The following RHOU variants were observed in gnomAD, a reference collection of about 807,000 sequenced individuals.
RHOU encodes ras homolog family member U, also known as rho-related GTP-binding protein RhoU.
A neutral mutation model predicts 12.6 loss-of-function variants in RHOU; 8 were observed. The observed-to-expected ratio is 0.64, with a 90% confidence interval of 0.37 to 1.15. The LOEUF (loss-of-function observed/expected upper bound fraction) is 1.15. Ranked by LOEUF, RHOU falls within the 50% of genes most tolerant of loss-of-function variation. The pLI, the probability that RHOU is intolerant of heterozygous loss-of-function variation, is 0.01. For synonymous variants in RHOU, 161 were observed against 147.4 expected, an observed-to-expected ratio of 1.09 and a Z score of -0.67; for missense variants, 258 against 347.0, an observed-to-expected ratio of 0.74 and a Z score of 2.04.
At chr1:228,658,236 G>A in the RHOU span, among the ~76,000 whole-genome samples, 4 of 148,104 alleles carry the variant, frequency 2.7e-5, no homozygotes, top group Admixed American at 1.4e-4. Context: ...GCCATGATCA[G>A]GCTACAGGCT....
chr1:228,738,711 A>G lies in RHOU; in HGVS notation c.321+980A>G, dbSNP rs1350549791. ...GCTAAGGACAGATCTTATTTTTTAA[A>G]CCTGAAGATGACATAAGACCGTGGA... is the stretch of plus-strand genomic sequence containing the variant. On this transcript the variant is annotated intron_variant, in intron 2 of 2. Transcript: ENST00000366691. This position sits in a 1 kb window ranked among gnomAD's most constrained non-coding sequence, Gnocchi z 4.2. 6.6e-6 allele frequency among the ~76,000 whole-genome samples: 1 copy of G among 152,076 alleles called. No individual in the cohort carries two copies. Among genetic ancestry groups the G allele is most frequent in the Non-Finnish European group, 1.5e-5 (1 of 68,012 alleles).
the RHOU span, among the ~76,000 whole-genome samples, chr1:228,720,539 G>A: frequency 1.3e-5 from 2 of 152,180 alleles, no homozygotes; most frequent in Admixed American, 6.5e-5. Context: ...CTCATGAGAA[G>A]AGGAAACTAG....
the RHOU span, among the ~76,000 whole-genome samples, chr1:228,654,775 A>G: frequency 6.6e-6 from 1 of 152,218 alleles, no homozygotes; most frequent in East Asian, 1.9e-4. Context: ...TTCATATTGT[A>G]CTATTGGTCT....
the RHOU span, among the ~76,000 whole-genome samples, chr1:228,669,624 A>C: frequency 1.3e-5 from 2 of 152,188 alleles, no homozygotes; most frequent in East Asian, 3.8e-4. Context: ...AAAAGGCCTT[A>C]ACTTGCTTGA....
the RHOU span, among the ~76,000 whole-genome samples, chr1:228,678,234 C>T: frequency 6.6e-6 from 1 of 152,270 alleles, no homozygotes; most frequent in African/African-American, 2.4e-5. Context: ...AGCTTGTAAC[C>T]TACATGGAAG....
Position 228,743,639 on chromosome 1 carries a change from T to G in RHOU, c.676T>G (p.Ser226Ala). The G allele has an allele frequency of 6.2e-7, 1 of 1,614,168 alleles. No homozygotes were observed. The highest frequency in any genetic ancestry group is 8.5e-7 in the Non-Finnish European group (1 of 1,180,042). Residue 226 changes from serine (S) to alanine (A), a missense_variant, in exon 3 of 3, where the codon TCG (serine) becomes GCG (alanine). Ser to Ala is a moderately conservative substitution (Grantham distance 99, BLOSUM62 1). Transcript: ENST00000366691. The surrounding 1 kb of genome is among the most constrained non-coding windows in gnomAD (Gnocchi z 5.1). ...DAAIVAGIQY[S>A]DTQQQPKKSK... is the part of the protein sequence containing the mutation. ...AGCCATCGTCGCTGGCATTCAATACTCGGACACTCAGCAACAGCCAAAGAA... is the reference window on the plus strand; with the variant it reads ...AGCCATCGTCGCTGGCATTCAATACGCGGACACTCAGCAACAGCCAAAGAA...
At chr1:228,727,055 T>C in the RHOU span, among the ~76,000 whole-genome samples, 5 of 152,190 alleles carry the variant, frequency 3.3e-5, no homozygotes, top group Admixed American at 6.5e-5. Flanking sequence ...AGGTATCTTC[T>C]TTTTTACAAG....
chr1:228,666,168 C>T, the RHOU span, among the ~76,000 whole-genome samples: 1 of 152,172 alleles, frequency 6.6e-6, no homozygotes, highest in Non-Finnish European at 1.5e-5. Flanking sequence ...CCATGTTGGC[C>T]AGTCTGGTAT....
the RHOU span, among the ~76,000 whole-genome samples, chr1:228,658,844 T>C: frequency 6.6e-6 from 1 of 152,192 alleles, no homozygotes; most frequent in South Asian, 2.1e-4. Context: ...CTGTGAATAC[T>C]GTATTTTCAA....
chr1:228,680,409 C>G, the RHOU span, among the ~76,000 whole-genome samples: 1 of 152,138 alleles, frequency 6.6e-6, no homozygotes, highest in East Asian at 1.9e-4. Flanking sequence ...GAAACAAGGT[C>G]CACGAGGATG....
At chr1:228,742,590 G>A (rs1466479811) in intron 2 of RHOU, among the ~76,000 whole-genome samples, 1 of 152,228 alleles carries the variant, frequency 6.6e-6, no homozygotes, top group Non-Finnish European at 1.5e-5. Context: ...CAGCCAGAAT[G>A]AGGATGTATT....
rs1160625407 is a variant in RHOU at position 228,745,770 on chromosome 1, G to C, written c.*2030G>C. ...CCAGGCTGGGCTCTGCCTGTCTGGT[G>C]CCTGGAGGTGTGGGAGGGAAGATGA... is the stretch of plus-strand genomic sequence containing the variant. On this transcript the variant is annotated 3_prime_UTR_variant, in exon 3 of 3. Transcript: ENST00000366691. The C allele has an allele frequency of 6.6e-6, 1 of 152,264 alleles. No homozygotes were observed. Among genetic ancestry groups the C allele is most frequent in the Non-Finnish European group, 1.5e-5 (1 of 68,048 alleles). 9.4% of individuals were successfully genotyped at this position (152,264 alleles called of 1,614,324 possible).
chr1:228,698,127 T>C, the RHOU span, among the ~76,000 whole-genome samples: 1 of 152,226 alleles, frequency 6.6e-6, no homozygotes, highest in African/African-American at 2.4e-5. Flanking sequence ...CTTTGAGGTT[T>C]TTGTCATTCT....
chr1:228,712,608 A>G, the RHOU span, among the ~76,000 whole-genome samples: 2,722 of 143,374 alleles, frequency 0.019, 89 homozygotes, highest in African/African-American at 0.067. Context: ...GGAGTTGAAC[A>G]ATGAGAACAC....
At chr1:228,684,570 C>G in the RHOU span, among the ~76,000 whole-genome samples, 1 of 152,162 alleles carries the variant, frequency 6.6e-6, no homozygotes, top group Non-Finnish European at 1.5e-5. Flanking sequence ...CTCAAGTGAT[C>G]CACGTGTCTC....
chr1:228,661,156 C>T, the RHOU span, among the ~76,000 whole-genome samples: 389 of 152,156 alleles, frequency 2.6e-3, 3 homozygotes, highest in Non-Finnish European at 4.0e-3. Context: ...TCAAGGAGAA[C>T]TACAAACTAC....
At position 228,743,124 on chromosome 1, in the gene RHOU, T is replaced by C. The variant is rs41270187; in HGVS notation, c.322-161T>C. ...CCTTCGCTGGTGCACTGGCCCCGCT[T>C]GGGTAAACAGTAGGATCGTTTCAAG... On this transcript the variant is annotated intron_variant, in intron 2 of 2. Coordinates refer to ENST00000366691, the MANE Select transcript of RHOU (RefSeq NM_021205.6). This position sits in a 1 kb window ranked among gnomAD's most constrained non-coding sequence, Gnocchi z 5.1. Among the ~76,000 whole-genome samples the C allele has an allele frequency of 0.16, 24,077 of 152,150 alleles. 2,165 individuals are homozygous for C. The highest frequency in any genetic ancestry group is 0.23 in the South Asian group (1,101 of 4,818).
At chr1:228,711,553 T>C in the RHOU span, among the ~76,000 whole-genome samples, 12 of 152,022 alleles carry the variant, frequency 7.9e-5, no homozygotes, top group South Asian at 2.1e-4. Flanking sequence ...AAACAAGCAA[T>C]GGGGAAAGGA....
At chr1:228,707,249 A>AG in the RHOU span, among the ~76,000 whole-genome samples, 6 of 94,724 alleles carry the variant, frequency 6.3e-5, no homozygotes, top group East Asian at 2.8e-4. Context: ...ATATATATAT[A>AG]TATATAGTGT....
Sources: gnomAD v4.1 joint callset for allele counts (sites outside exome capture counted in the v4.1 genomes callset) on GRCh38, gnomAD v4.1.1 for gene constraint, Gnocchi (gnomAD v3.1) non-coding constraint, MANE v1.5 for transcripts, NCBI Gene and HGNC (gene_info 2026-07-23, HGNC 2026-07-21) for gene names.